The following USP37 variants were observed in gnomAD, a reference collection of about 807,000 sequenced individuals.
The protein encoded by USP37 is ubiquitin specific peptidase 37.
USP37 carries 27 observed loss-of-function variants against 124.0 expected under a neutral mutation model. That is an observed-to-expected ratio of 0.22 (90% CI 0.16 to 0.30). USP37 has a LOEUF of 0.30. USP37 is among the 10% of genes least tolerant of loss of function. USP37 has a pLI of 1.00. For synonymous variants in USP37, 365 were observed against 388.0 expected (o/e 0.94, Z 0.70); for missense variants, 889 against 1,140.4 (o/e 0.78, Z 3.17).
At position 218,524,641 on chromosome 2, in the gene USP37, G is replaced by A. The variant is rs181315918; in HGVS notation, c.863+5315C>T. The stretch of plus-strand genomic sequence containing the variant: ...TATTTTATTTTTTAGATGGAGTCTC[G>A]CGCTGTCACCCAGAATGGAGTGCAG... On this transcript the variant is annotated intron_variant, in intron 10 of 25. Transcript: ENST00000258399. 3.3e-5 allele frequency among the ~76,000 whole-genome samples: 5 copies of A among 152,136 alleles called. No homozygotes were observed. The East Asian group carries it at 7.7e-4, about 23-fold the overall frequency.
chr2:218,565,766 G>T (rs1693564702), intron 1 of USP37, among the ~76,000 whole-genome samples: 1 of 152,094 alleles, frequency 6.6e-6, no homozygotes, highest in Non-Finnish European at 1.5e-5. Context: ...TACAAGTTCT[G>T]GGCTGGGTGC....
At chr2:218,483,210 T>C (rs1291311086) in intron 16 of USP37, among the ~76,000 whole-genome samples, 2 of 152,114 alleles carry the variant, frequency 1.3e-5, no homozygotes, top group Non-Finnish European at 2.9e-5. Flanking sequence ...GAATTTCAAA[T>C]AACCTAACCA....
At position 218,474,741 on chromosome 2, in the gene USP37, C is replaced by T; in HGVS notation, c.2188G>A (p.Asp730Asn). ...GTATCTGGGCTGCTAGTTGGCTTATCATCATCTTCATGACTCAGAGATGGT... is the reference window on the plus strand; with the variant it reads ...GTATCTGGGCTGCTAGTTGGCTTATTATCATCTTCATGACTCAGAGATGGT... ...ASPSLSHEDD[D>N]KPTSSPDTGF... Residue 730 changes from aspartate to asparagine, a missense_variant, in exon 20 of 26, where the codon GAT (aspartate) becomes AAT (asparagine). Transcript: ENST00000258399. 6.2e-7 allele frequency: 1 copy of T among 1,614,140 alleles called. No homozygotes were observed. The highest frequency in any genetic ancestry group is 8.5e-7 in the Non-Finnish European group (1 of 1,180,024).
Position 218,553,730 on chromosome 2 carries a change from C to G in USP37, c.157-6G>C, listed in dbSNP as rs376002671. 1 of 1,596,606 alleles carries G rather than the reference C, an allele frequency of 6.3e-7. No individual in the cohort carries two copies. The highest frequency in any genetic ancestry group is 1.3e-5 in the African/African-American group (1 of 74,212). On this transcript the variant is annotated splice_polypyrimidine_tract_variant and splice_region_variant and intron_variant, in intron 4 of 25. Transcript: ENST00000258399. Reference sequence around the variant, plus strand: ...TTTTTAATGTTATGACTTAGCTAATCAAGACAAAAGGAAAATTATCATCAA... The same window carrying G: ...TTTTTAATGTTATGACTTAGCTAATGAAGACAAAAGGAAAATTATCATCAA...
At chr2:218,509,393 T>TA (rs1304787004) in intron 11 of USP37, among the ~76,000 whole-genome samples, 29 of 151,854 alleles carry the variant, frequency 1.9e-4, no homozygotes, top group East Asian at 5.8e-4. Flanking sequence ...GATTTAAAAT[T>TA]TAAAAAAAAT....
intron 11 of USP37, among the ~76,000 whole-genome samples, chr2:218,506,377 G>A (rs1303086587): frequency 4.6e-5 from 6 of 129,402 alleles, no homozygotes; most frequent in African/African-American, 9.0e-5. Flanking sequence ...TGCAACCTCC[G>A]CCTCCTGGGT....
chr2:218,496,302 G>GT (rs1689075872), intron 13 of USP37, among the ~76,000 whole-genome samples: 1 of 145,980 alleles, frequency 6.9e-6, no homozygotes, highest in Admixed American at 6.8e-5. Flanking sequence ...CAAAAGAAAA[G>GT]AAAAAAAAAC....
chr2:218,545,595 CA>C (rs1458886192), intron 8 of USP37, among the ~76,000 whole-genome samples: 1 of 152,010 alleles, frequency 6.6e-6, no homozygotes, highest in Admixed American at 6.5e-5. Context: ...CCTCAAGTAC[CA>C]ATTAACTGTC....
At chr2:218,474,150 T>C (rs182315629) in intron 20 of USP37, among the ~76,000 whole-genome samples, 24 of 152,276 alleles carry the variant, frequency 1.6e-4, no homozygotes, top group Admixed American at 5.2e-4. Context: ...ATAGCAGTGG[T>C]GAGAAAAGCA....
At chr2:218,511,501 G>T (rs1559197509) in intron 10 of USP37, among the ~76,000 whole-genome samples, 1 of 152,062 alleles carries the variant, frequency 6.6e-6, no homozygotes, top group Non-Finnish European at 1.5e-5. Flanking sequence ...GTAGAAACGG[G>T]GTTTCACCAT....
intron 23 of USP37, among the ~76,000 whole-genome samples, chr2:218,458,081 T>C (rs531915652): frequency 1.6e-4 from 22 of 138,752 alleles, no homozygotes; most frequent in Admixed American, 5.8e-4. Context: ...AAAAAAAAAA[T>C]TGGGGGAAGG....
At chr2:218,554,783 T>G (rs1466406118) in intron 4 of USP37, among the ~76,000 whole-genome samples, 2 of 152,054 alleles carry the variant, frequency 1.3e-5, no homozygotes, top group Non-Finnish European at 2.9e-5. Flanking sequence ...AATCTTTGTC[T>G]TTTGTTAAAC....
intron 10 of USP37, among the ~76,000 whole-genome samples, chr2:218,519,300 C>T (rs1254368553): frequency 6.6e-6 from 1 of 152,172 alleles, no homozygotes; most frequent in Non-Finnish European, 1.5e-5. Flanking sequence ...AGGATACTAG[C>T]CACTTATAAT....
At chr2:218,537,663 A>T (rs1433172369) in intron 8 of USP37, among the ~76,000 whole-genome samples, 1 of 152,214 alleles carries the variant, frequency 6.6e-6, no homozygotes, top group African/African-American at 2.4e-5. Context: ...CAGGTAAATA[A>T]TCATCAAAAA....
chr2:218,532,968 C>T (rs1412801725), intron 9 of USP37, among the ~76,000 whole-genome samples: 1 of 150,536 alleles, frequency 6.6e-6, no homozygotes, highest in Non-Finnish European at 1.5e-5. Flanking sequence ...TTTTTTTAGA[C>T]ATAATGCTAT....
intron 20 of USP37, among the ~76,000 whole-genome samples, chr2:218,466,981 T>G (rs1212902062): frequency 7.9e-5 from 12 of 152,190 alleles, no homozygotes; most frequent in Admixed American, 7.8e-4. Context: ...TCTGCCCGCC[T>G]TGGGCTCCCA....
At chr2:218,515,531 T>A (rs1248702706) in intron 10 of USP37, among the ~76,000 whole-genome samples, 1 of 152,128 alleles carries the variant, frequency 6.6e-6, no homozygotes, top group East Asian at 1.9e-4. Context: ...CCTTACATCT[T>A]ACGAAAAAAT....
intron 13 of USP37, among the ~76,000 whole-genome samples, chr2:218,497,247 A>C (rs556898197): frequency 6.7e-6 from 1 of 149,522 alleles, no homozygotes; most frequent in South Asian, 2.1e-4. Flanking sequence ...ATTTTTTTTA[A>C]TCTTTAGTAG....
chr2:218,525,862 CCAGT>C (rs1434123507), intron 10 of USP37, among the ~76,000 whole-genome samples: 2 of 152,120 alleles, frequency 1.3e-5, no homozygotes, highest in African/African-American at 4.8e-5. Flanking sequence ...CCAACAAGCC[CCAGT>C]GTGTGTTGTT....
Sources: allele counts gnomAD v4.1 joint callset (sites outside exome capture counted in the v4.1 genomes callset), GRCh38; gene constraint gnomAD v4.1.1; transcripts MANE v1.5; gene names NCBI Gene and HGNC (gene_info 2026-07-23, HGNC 2026-07-21).